FHIT: variants seen among roughly 807,000 people sequenced by gnomAD.
FHIT encodes the protein fragile histidine triad diadenosine triphosphatase.
In FHIT, 19 loss-of-function variants were observed where a neutral mutation model predicts 17.9. The ratio of observed to expected loss-of-function variants is 1.06; its 90% CI spans 0.74 to 1.56. FHIT has a LOEUF of 1.56. FHIT is among the 40% of genes most tolerant of loss of function. FHIT has a pLI of 0.00. For synonymous variants in FHIT, 81 were observed against 69.7 expected, an observed-to-expected ratio of 1.16 and a Z score of -0.81; for missense variants, 248 against 189.2, an observed-to-expected ratio of 1.31 and a Z score of -1.82.
chr3:61,231,219 G>A (rs578005996), intron 1 of FHIT, among the ~76,000 whole-genome samples: 9 of 152,194 alleles, frequency 5.9e-5, no homozygotes, highest in Non-Finnish European at 1.3e-4. Context: ...ACTGGGTTGT[G>A]TGCAATGGCT....
intron 5 of FHIT, among the ~76,000 whole-genome samples, chr3:60,067,432 A>T (rs79100050): frequency 0.038 from 5,724 of 152,278 alleles, 141 homozygotes; most frequent in South Asian, 0.076. Context: ...ACTCTAAAAC[A>T]AATGGGCAGT....
intron 8 of FHIT, among the ~76,000 whole-genome samples, chr3:59,840,411 A>G (rs1701491785): frequency 6.9e-6 from 1 of 144,446 alleles, no homozygotes; most frequent in South Asian, 2.3e-4. Flanking sequence ...AAAAAAAAAG[A>G]AAGAAACCAT....
At chr3:60,004,188 A>G (rs1376898925) in intron 7 of FHIT, among the ~76,000 whole-genome samples, 1 of 152,102 alleles carries the variant, frequency 6.6e-6, no homozygotes, top group African/African-American at 2.4e-5. Context: ...CTTTCACAGG[A>G]GGTTTGACTT....
intron 5 of FHIT, among the ~76,000 whole-genome samples, chr3:60,073,362 ATATCT>A (rs1440322212): frequency 1.3e-5 from 2 of 152,096 alleles, no homozygotes; most frequent in East Asian, 3.9e-4. Context: ...ATCTTACAAA[ATATCT>A]TATATTAAAA....
intron 2 of FHIT, among the ~76,000 whole-genome samples, chr3:61,180,399 C>G (rs2038301943): frequency 6.6e-6 from 1 of 152,194 alleles, no homozygotes; most frequent in Non-Finnish European, 1.5e-5. Context: ...GTTTATTTCA[C>G]TTTACAGGAA....
chr3:60,922,849 T>C (rs561000703), intron 3 of FHIT, among the ~76,000 whole-genome samples: 1 of 152,332 alleles, frequency 6.6e-6, no homozygotes, highest in African/African-American at 2.4e-5. Flanking sequence ...TAATTAAAAT[T>C]GTGGAATCCT....
rs138407053 is a variant in FHIT at position 60,165,774 on chromosome 3, T to C, written c.104-151622A>G. 3.5e-3 allele frequency among the ~76,000 whole-genome samples: 534 copies of C among 152,266 alleles called. 3 individuals are homozygous for C. Among genetic ancestry groups the C allele is most frequent in the African/African-American group, 0.012 (483 of 41,554 alleles). On this transcript the variant is annotated intron_variant, in intron 5 of 9. Transcript: ENST00000492590. ...ATATATACCAACATAAAAAGGACAT[T>C]GGTAGAAGCAAACAATACAGAAGAG...
intron 5 of FHIT, among the ~76,000 whole-genome samples, chr3:60,206,675 C>T (rs949872464): frequency 1.2e-4 from 18 of 152,112 alleles, no homozygotes; most frequent in African/African-American, 3.9e-4. Context: ...AAGAGGTGGA[C>T]GGTTCTACCA....
rs114956949 is a variant in FHIT at position 60,910,161 on chromosome 3, A to G, written c.-110-88150T>C. On this transcript the variant is annotated intron_variant, in intron 3 of 9. Coordinates refer to ENST00000492590, the MANE Select transcript of FHIT (RefSeq NM_002012.4). ...CCGCCAGAGATAGGAATGTGACTCA[A>G]TCTAACCAATCAAAATCTTCTGGGG... 4.5e-3 allele frequency among the ~76,000 whole-genome samples: 681 copies of G among 152,274 alleles called. 6 individuals carry two copies. The highest frequency in any genetic ancestry group is 0.015 in the African/African-American group (611 of 41,564).
At chr3:60,593,361 A>G (rs999000555) in intron 4 of FHIT, among the ~76,000 whole-genome samples, 16 of 152,128 alleles carry the variant, frequency 1.1e-4, no homozygotes, top group Admixed American at 1.0e-3. Context: ...ACACTTCTCT[A>G]TAATAATTTT....
chr3:61,244,630 G>A (rs757925817), intron 1 of FHIT, among the ~76,000 whole-genome samples: 5 of 152,138 alleles, frequency 3.3e-5, no homozygotes, highest in Non-Finnish European at 7.3e-5. Flanking sequence ...GCCTTCTCCT[G>A]AAGCAGGTCT....
chr3:61,225,334 T>C (rs1325757685), intron 1 of FHIT, among the ~76,000 whole-genome samples: 1 of 152,212 alleles, frequency 6.6e-6, no homozygotes, highest in Non-Finnish European at 1.5e-5. Context: ...GAGAAAAATA[T>C]ATATATTTTT....
chr3:60,043,793 T>C (rs566964677), intron 5 of FHIT, among the ~76,000 whole-genome samples: 16 of 152,294 alleles, frequency 1.1e-4, no homozygotes, highest in African/African-American at 3.4e-4. Flanking sequence ...TGACATAACA[T>C]ATTAAGCAAA....
At chr3:60,837,108 G>A (rs1702566648) in intron 3 of FHIT, among the ~76,000 whole-genome samples, 1 of 151,956 alleles carries the variant, frequency 6.6e-6, no homozygotes, top group African/African-American at 2.4e-5. Context: ...AGCTTATTCC[G>A]CCTGTCTCAA....
intron 3 of FHIT, among the ~76,000 whole-genome samples, chr3:60,929,290 G>A (rs567743265): frequency 6.6e-6 from 1 of 152,252 alleles, no homozygotes; most frequent in African/African-American, 2.4e-5. Context: ...CACTCCCTTT[G>A]AAAACTGGCA....
chr3:61,214,841 G>C (rs550104976), intron 1 of FHIT, among the ~76,000 whole-genome samples: 1 of 152,302 alleles, frequency 6.6e-6, no homozygotes, highest in East Asian at 1.9e-4. Flanking sequence ...TGGGATGCAA[G>C]GCTGGTCCAA....
At position 60,130,992 on chromosome 3, in the gene FHIT, C is replaced by A. The variant is rs527746311; in HGVS notation, c.104-116840G>T. On this transcript the variant is annotated intron_variant, in intron 5 of 9. Transcript: ENST00000492590. ...AAAGGTATATATATACACATATATA[C>A]ACATATATACATATGTGTATATATA... 7.8e-3 allele frequency among the ~76,000 whole-genome samples: 1,004 copies of A among 128,860 alleles called. 21 individuals carry two copies. Among genetic ancestry groups the A allele is most frequent in the African/African-American group, 0.029 (973 of 33,518 alleles). 84.5% of individuals were successfully genotyped at this position (128,860 alleles called of 152,430 possible).
At chr3:60,956,241 T>TA (rs1709151690) in intron 3 of FHIT, among the ~76,000 whole-genome samples, 1 of 152,124 alleles carries the variant, frequency 6.6e-6, no homozygotes, top group Admixed American at 6.5e-5. Flanking sequence ...CATTTAGTTA[T>TA]AAAAAACAAA....
chr3:60,641,944 A>G (rs1346688709), intron 4 of FHIT, among the ~76,000 whole-genome samples: 2 of 152,112 alleles, frequency 1.3e-5, no homozygotes, highest in Admixed American at 1.3e-4. Context: ...AAAGCAAAGA[A>G]AGAGAACATG....
Sources: gnomAD v4.1 joint callset for allele counts (sites outside exome capture counted in the v4.1 genomes callset) on GRCh38, gnomAD v4.1.1 for gene constraint, MANE v1.5 for transcripts, NCBI Gene and HGNC (gene_info 2026-07-23, HGNC 2026-07-21) for gene names.